LUZP2: variants seen among roughly 807,000 people sequenced by gnomAD.
LUZP2 encodes the protein leucine zipper protein 2.
In LUZP2, 52 loss-of-function variants were observed where a neutral mutation model predicts 51.6. The ratio of observed to expected loss-of-function variants is 1.01; its 90% CI spans 0.81 to 1.27. LUZP2 has a LOEUF of 1.27. Among genes scored for constraint, LUZP2 ranks in the 50% most tolerant of loss-of-function variants. The pLI is 0.00. For synonymous variants in LUZP2, 154 were observed against 137.3 expected, an observed-to-expected ratio of 1.12 and a Z score of -0.85; for missense variants, 436 against 395.4, an observed-to-expected ratio of 1.10 and a Z score of -0.87.
chr11:24,605,284 T>C (rs1334620092), intron 1 of LUZP2, among the ~76,000 whole-genome samples: 1 of 151,766 alleles, frequency 6.6e-6, no homozygotes, highest in Non-Finnish European at 1.5e-5. Flanking sequence ...AAAGTAAACA[T>C]GTCCTCTAAT....
intron 9 of LUZP2, among the ~76,000 whole-genome samples, chr11:25,017,860 T>A (rs1414318859): frequency 1.3e-5 from 2 of 152,256 alleles, no homozygotes; most frequent in Admixed American, 6.5e-5. Flanking sequence ...ATCTGTAAAT[T>A]GTTTTGTAAA....
intron 1 of LUZP2, among the ~76,000 whole-genome samples, chr11:24,690,219 C>T (rs1466824464): frequency 1.3e-5 from 2 of 151,680 alleles, no homozygotes; most frequent in African/African-American, 2.4e-5. Context: ...TGTCAGATAC[C>T]TCAAACTTTT....
At chr11:24,658,514 G>A (rs1263644717) in intron 1 of LUZP2, among the ~76,000 whole-genome samples, 1 of 152,076 alleles carries the variant, frequency 6.6e-6, no homozygotes, top group Non-Finnish European at 1.5e-5. Flanking sequence ...CATAGGCATG[G>A]GCAAGGACTT....
At chr11:24,616,379 G>A (rs1195660280) in intron 1 of LUZP2, among the ~76,000 whole-genome samples, 14 of 151,828 alleles carry the variant, frequency 9.2e-5, no homozygotes, top group Admixed American at 9.2e-4. Context: ...CCCATTGTGA[G>A]TTAATTTTTG....
intron 4 of LUZP2, among the ~76,000 whole-genome samples, chr11:24,739,386 G>A (rs1270552066): frequency 6.6e-6 from 1 of 152,058 alleles, no homozygotes; most frequent in East Asian, 1.9e-4. Context: ...AGTTAGGAGT[G>A]TTGTTTTTCG....
At chr11:24,699,235 G>A (rs936953096) in intron 1 of LUZP2, among the ~76,000 whole-genome samples, 78 of 151,772 alleles carry the variant, frequency 5.1e-4, no homozygotes, top group African/African-American at 1.8e-3. Context: ...TTCCACCCAC[G>A]CTTCACCATA....
At chr11:24,933,131 CCTTTCACA>C (rs1160077706) in intron 7 of LUZP2, among the ~76,000 whole-genome samples, 1 of 152,228 alleles carries the variant, frequency 6.6e-6, no homozygotes, top group Non-Finnish European at 1.5e-5. Flanking sequence ...GCACAATCCT[CCTTTCACA>C]CTTTCACACT....
At chr11:24,692,846 A>T (rs1395634983) in intron 1 of LUZP2, among the ~76,000 whole-genome samples, 1 of 152,048 alleles carries the variant, frequency 6.6e-6, no homozygotes, top group Non-Finnish European at 1.5e-5. Flanking sequence ...AAGAAAATAC[A>T]TTTAAGGATA....
At chr11:24,884,405 C>T (rs546487129) in intron 5 of LUZP2, among the ~76,000 whole-genome samples, 30 of 152,098 alleles carry the variant, frequency 2.0e-4, no homozygotes, top group African/African-American at 7.0e-4. Context: ...ATACCTGGCA[C>T]AAAGTAAACA....
chr11:24,956,557 T>G (rs1449363477), intron 7 of LUZP2, among the ~76,000 whole-genome samples: 1 of 152,110 alleles, frequency 6.6e-6, no homozygotes, highest in Non-Finnish European at 1.5e-5. Flanking sequence ...CAGAAACATG[T>G]GCTGAGTGAA....
At chr11:24,591,883 G>T in intron 1 of LUZP2, among the ~76,000 whole-genome samples, 1 of 150,724 alleles carries the variant, frequency 6.6e-6, no homozygotes, top group Middle Eastern at 3.4e-3. Context: ...CACTGAAAAT[G>T]TTTGGAGCAA....
chr11:24,705,429 C>T (rs1435620030), intron 1 of LUZP2, among the ~76,000 whole-genome samples: 1 of 152,084 alleles, frequency 6.6e-6, no homozygotes, highest in African/African-American at 2.4e-5. Context: ...TTATGAAATT[C>T]CGGAACAGTA....
chr11:24,711,693 C>G (rs1186422900), intron 1 of LUZP2, among the ~76,000 whole-genome samples: 1 of 152,046 alleles, frequency 6.6e-6, no homozygotes, highest in East Asian at 1.9e-4. Context: ...GTCACACATA[C>G]AACACATAAT....
At position 24,857,227 on chromosome 11, in the gene LUZP2, C is replaced by G. The variant is rs191115263; in HGVS notation, c.397-48764C>G. Among the ~76,000 whole-genome samples the G allele has an allele frequency of 1.2e-4, 18 of 149,458 alleles. No individual in the cohort carries two copies. In the East Asian group the frequency reaches 3.3e-3, roughly 28 times the overall value. ...TCATATTCCTTAATTGTTTACAGTC[C>G]ATGTATCCCCACTCCCCTACCCACA... is the stretch of plus-strand genomic sequence containing the variant. On this transcript the variant is annotated intron_variant, in intron 5 of 11. Coordinates refer to ENST00000336930, the MANE Select transcript of LUZP2 (RefSeq NM_001009909.4).
At chr11:24,843,757 G>T (rs1479816492) in intron 5 of LUZP2, among the ~76,000 whole-genome samples, 4 of 152,122 alleles carry the variant, frequency 2.6e-5, no homozygotes, top group Non-Finnish European at 5.9e-5. Context: ...TTGAATTATG[G>T]GGGCGGGTGT....
chr11:24,805,918 T>C (rs1849843419), intron 5 of LUZP2, among the ~76,000 whole-genome samples: 1 of 152,162 alleles, frequency 6.6e-6, no homozygotes, highest in Non-Finnish European at 1.5e-5. Context: ...GGAGGCTTAT[T>C]GCAGGGGTTT....
At chr11:24,543,954 A>T (rs571814233) in intron 1 of LUZP2, among the ~76,000 whole-genome samples, 1 of 152,076 alleles carries the variant, frequency 6.6e-6, no homozygotes, top group African/African-American at 2.4e-5. Flanking sequence ...CAGTTCGGTC[A>T]TTGTGTAACT....
At chr11:24,530,115 C>T (rs1345852307) in intron 1 of LUZP2, among the ~76,000 whole-genome samples, 2 of 150,822 alleles carry the variant, frequency 1.3e-5, no homozygotes, top group African/African-American at 2.4e-5. Context: ...TGCAAATTTA[C>T]ATACTAGTAC....
chr11:24,899,138 C>T (rs1224384634), intron 5 of LUZP2, among the ~76,000 whole-genome samples: 1 of 152,098 alleles, frequency 6.6e-6, no homozygotes, highest in African/African-American at 2.4e-5. Flanking sequence ...TATTCACTTG[C>T]ATTTATATAT....
Sources: gnomAD v4.1 joint callset for allele counts (sites outside exome capture counted in the v4.1 genomes callset) on GRCh38, gnomAD v4.1.1 for gene constraint, MANE v1.5 for transcripts, NCBI Gene and HGNC (gene_info 2026-07-23, HGNC 2026-07-21) for gene names.